SMIM36: variants seen among roughly 807,000 people sequenced by gnomAD.
SMIM36 encodes the protein small integral membrane protein 36.
chr17:55,473,326 G>T (rs999606703), intron 3 of SMIM36, among the ~76,000 whole-genome samples: 3 of 152,176 alleles, frequency 2.0e-5, no homozygotes, highest in Non-Finnish European at 4.4e-5. Flanking sequence ...CCAACACAAG[G>T]TTGGCAGATT....
At chr17:55,503,198 C>T (rs1483243682) in intron 1 of SMIM36, among the ~76,000 whole-genome samples, 3 of 103,976 alleles carry the variant, frequency 2.9e-5, no homozygotes, top group East Asian at 2.8e-4. Flanking sequence ...GGCAGGCCAA[C>T]GTTCAGATTC....
At chr17:55,463,824 T>C (rs1909186911) in intron 4 of SMIM36, among the ~76,000 whole-genome samples, 1 of 151,830 alleles carries the variant, frequency 6.6e-6, no homozygotes, top group East Asian at 1.9e-4. Flanking sequence ...ATTTTCTGAC[T>C]ATAAGAAAAG....
At chr17:55,515,086 GTTTTT>G (rs1158864125), upstream of SMIM36, among the ~76,000 whole-genome samples, 2 of 54,100 alleles carry the variant, frequency 3.7e-5, no homozygotes, top group African/African-American at 1.0e-4. Context: ...CTAGTCTAGT[GTTTTT>G]TTTTTTTTTT....
intron 4 of SMIM36, among the ~76,000 whole-genome samples, chr17:55,462,106 G>A (rs949229635): frequency 1.3e-5 from 2 of 152,216 alleles, no homozygotes; most frequent in African/African-American, 4.8e-5. Flanking sequence ...TGTGGAAAGT[G>A]TATGGCCTTG....
Position 55,459,010 on chromosome 17 carries a change from C to T in SMIM36, c.*531+8135G>A, listed in dbSNP as rs117130866. Among the ~76,000 whole-genome samples the T allele has an allele frequency of 1.1e-3, 160 of 152,282 alleles. 3 individuals carry two copies. The East Asian group carries it at 0.022, about 21-fold the overall frequency. ...GTCTGTAGATGGCAAACTGAGAGCA[C>T]CCTGTAACACACGCCCACTGGGGCC... On this transcript the variant is annotated intron_variant, in intron 4 of 4. Coordinates refer to ENST00000636752, the Ensembl canonical transcript of SMIM36.
intron 4 of SMIM36, among the ~76,000 whole-genome samples, chr17:55,458,958 G>T (rs1909085238): frequency 6.6e-6 from 1 of 152,188 alleles, no homozygotes; most frequent in Non-Finnish European, 1.5e-5. Flanking sequence ...AAGGAAGAGG[G>T]TCTAATTGAG....
chr17:55,513,537 G>A (rs1031182143), upstream of SMIM36, among the ~76,000 whole-genome samples: 1 of 152,192 alleles, frequency 6.6e-6, no homozygotes, highest in Non-Finnish European at 1.5e-5. Context: ...CACGTGCAAT[G>A]CACCAGACAG....
chr17:55,507,718 T>A (rs1198326257), intron 1 of SMIM36, among the ~76,000 whole-genome samples: 5 of 145,278 alleles, frequency 3.4e-5, no homozygotes, highest in African/African-American at 1.0e-4. Context: ...CCCTAAAACT[T>A]AAAGTATAAT....
intron 1 of SMIM36, among the ~76,000 whole-genome samples, chr17:55,481,082 GTCTCTC>G (rs369663083): frequency 6.7e-6 from 1 of 149,046 alleles, no homozygotes; most frequent in African/African-American, 2.5e-5. Flanking sequence ...CCCTGTCTCT[GTCTCTC>G]TCTCTCTCTC....
intron 1 of SMIM36, among the ~76,000 whole-genome samples, chr17:55,508,412 TTA>T (rs1910116859): frequency 7.4e-6 from 1 of 135,936 alleles, no homozygotes; most frequent in Admixed American, 7.5e-5. Flanking sequence ...TATACATATT[TTA>T]TATATATATT....
chr17:55,501,881 G>A (rs145168048), intron 1 of SMIM36, among the ~76,000 whole-genome samples: 14,536 of 112,482 alleles, frequency 0.13, 1,767 homozygotes, highest in African/African-American at 0.37. Context: ...CGCACAGTGC[G>A]CGAGCCGAAG....
the SMIM36 span, among the ~76,000 whole-genome samples, chr17:55,527,388 A>G: frequency 3.0e-4 from 46 of 152,306 alleles, no homozygotes; most frequent in Admixed American, 1.6e-3. Flanking sequence ...CTAGTGAGCC[A>G]TAGCTTCTAG....
chr17:55,517,042 A>G, the SMIM36 span, among the ~76,000 whole-genome samples: 1 of 152,220 alleles, frequency 6.6e-6, no homozygotes, highest in Non-Finnish European at 1.5e-5. Flanking sequence ...AGCTTTGATT[A>G]CATAGTATAT....
At chr17:55,476,596 T>A (rs996519494) in intron 3 of SMIM36, among the ~76,000 whole-genome samples, 2 of 151,078 alleles carry the variant, frequency 1.3e-5, no homozygotes, top group African/African-American at 4.9e-5. Context: ...TTAGACAGAG[T>A]CTCGCTCTGT....
At chr17:55,504,834 C>A in intron 1 of SMIM36, among the ~76,000 whole-genome samples, 1 of 85,564 alleles carries the variant, frequency 1.2e-5, no homozygotes, top group Non-Finnish European at 2.1e-5. Context: ...GCTAGCAAGA[C>A]TAATAAAGAA....
intron 3 of SMIM36, among the ~76,000 whole-genome samples, chr17:55,478,141 CCATTG>C (rs1046352711): frequency 4.4e-4 from 67 of 152,022 alleles, no homozygotes; most frequent in Non-Finnish European, 5.4e-4. Flanking sequence ...CGAGACTGCA[CCATTG>C]CATTCCAGCC....
intron 1 of SMIM36, among the ~76,000 whole-genome samples, chr17:55,492,422 T>C (rs561968389): frequency 6.6e-6 from 1 of 151,304 alleles, no homozygotes; most frequent in Admixed American, 6.6e-5. Flanking sequence ...TTTTATAATA[T>C]TTTAGTAGAG....
the SMIM36 span, among the ~76,000 whole-genome samples, chr17:55,519,186 A>G: frequency 6.6e-6 from 1 of 152,190 alleles, no homozygotes; most frequent in Non-Finnish European, 1.5e-5. Flanking sequence ...ATGGGTTGTC[A>G]TGAATTTAAA....
intron 4 of SMIM36, among the ~76,000 whole-genome samples, chr17:55,453,357 G>C (rs535043948): frequency 1.3e-5 from 2 of 151,844 alleles, no homozygotes; most frequent in South Asian, 4.2e-4. Context: ...GTTAGGTTTT[G>C]AAGCATTTAG....
Sources: allele counts gnomAD v4.1 joint callset (sites outside exome capture counted in the v4.1 genomes callset), GRCh38; gene constraint gnomAD v4.1.1; transcripts MANE v1.5; gene names NCBI Gene and HGNC (gene_info 2026-07-23, HGNC 2026-07-21).